Variants in MEI1 observed in about 807,000 individuals in gnomAD.
MEI1 encodes meiosis inhibitor protein 1.
A neutral mutation model predicts 146.2 loss-of-function variants in MEI1; 103 were observed. The ratio of observed to expected loss-of-function variants is 0.70; its 90% CI spans 0.60 to 0.83. The LOEUF (loss-of-function observed/expected upper bound fraction) is 0.83, where lower values mean the gene tolerates loss of function less well. MEI1 is among the 40% of genes least tolerant of loss of function. The probability of loss-of-function intolerance (pLI) is 0.00; values close to 1 mark genes in which losing one functional copy is unlikely to be tolerated. For synonymous variants in MEI1, 652 were observed against 628.2 expected, an observed-to-expected ratio of 1.04 and a Z score of -0.57; for missense variants, 1,529 against 1,533.0, an observed-to-expected ratio of 1.00 and a Z score of 0.04.
intron 11 of MEI1, 117 bp downstream of exon 11, chr22:41,732,720 G>A (rs539195029): frequency 5.2e-6 from 6 of 1,152,564 alleles, no homozygotes; most frequent in Admixed American, 5.9e-5. Context: ...AATATAGTTG[G>A]CCCTTCATAA....
chr22:41,707,028 CAAAA>C (rs59421678), intron 3 of MEI1, among the ~76,000 whole-genome samples: 1 of 130,892 alleles, frequency 7.6e-6, no homozygotes, highest in Non-Finnish European at 1.6e-5. Flanking sequence ...CCATCTCTAC[CAAAA>C]AAAAAAAAAA....
chr22:41,758,601 A>G (rs2074252862), intron 18 of MEI1, 68 bp downstream of exon 18: 1 of 1,488,184 alleles, frequency 6.7e-7, no homozygotes, highest in Non-Finnish European at 9.1e-7. Context: ...AGTTCAATAA[A>G]TAAGGGCATC....
In MEI1 at chr22:41,745,990, C is replaced by T; in HGVS notation, c.1644C>T (p.Leu548=). The T allele has an allele frequency of 6.2e-7, 1 of 1,611,430 alleles. No individual in the cohort carries two copies. The highest frequency in any genetic ancestry group is 8.5e-7 in the Non-Finnish European group (1 of 1,178,698). Reference sequence around the variant, plus strand: ...TGGAGGCCTTCTCAGAATTTCTTCTCAGTGCCTGTGACTCGCTGTGTATCC... The same window carrying T: ...TGGAGGCCTTCTCAGAATTTCTTCTTAGTGCCTGTGACTCGCTGTGTATCC... The part of the protein sequence containing the change: ...DTLEAFSEFL[L]SACDSLCIPM... The change falls in exon 14 of 31, where the codon CTC becomes CTT. Residue 548 remains leucine, a synonymous_variant. Coordinates refer to ENST00000401548, the MANE Select transcript of MEI1 (RefSeq NM_152513.4).
In MEI1 at chr22:41,798,824, G is replaced by A. The variant is rs190214330; in HGVS notation, c.3780-430G>A. ...TGGAGATTGCAGTGACCAGAGAGCC[G>A]AGATTGTGCCACTGCACACTCCAGC... On this transcript the variant is annotated intron_variant, in intron 30 of 30. Transcript: ENST00000401548. Among the ~76,000 whole-genome samples the A allele has an allele frequency of 1.8e-3, 265 of 150,576 alleles. 5 individuals carry two copies. The highest frequency in any genetic ancestry group is 0.012 in the Admixed American group (188 of 15,096).
chr22:41,726,796 T>C (rs951951957), intron 7 of MEI1, among the ~76,000 whole-genome samples: 1 of 151,530 alleles, frequency 6.6e-6, no homozygotes, highest in African/African-American at 2.4e-5. Context: ...TTTTTTGAGA[T>C]GGAGTCTCGC....
chr22:41,724,186 C>T (rs1181228863), intron 7 of MEI1, 113 bp downstream of exon 7: 2 of 1,330,744 alleles, frequency 1.5e-6, no homozygotes, highest in African/African-American at 1.5e-5. Flanking sequence ...TGTTTTCTTA[C>T]TGGGCAAAAT....
Position 41,776,144 on chromosome 22 carries a change from C to T in MEI1, c.2587C>T (p.Leu863=), listed in dbSNP as rs755224234. The change falls in exon 21 of 31, where the codon CTG becomes TTG. Residue 863 remains leucine (L), a synonymous_variant. Transcript: ENST00000401548. The part of the protein sequence containing the change: ...SSPVDTAHKV[L]ISLRTFLRRN... ...CCCAGTGGACACAGCTCACAAGGTACTGATTAGCCTGAGGACCTTCCTGAG... is the reference window on the plus strand; with the variant it reads ...CCCAGTGGACACAGCTCACAAGGTATTGATTAGCCTGAGGACCTTCCTGAG... 4 of 1,613,836 alleles carry T rather than the reference C, an allele frequency of 2.5e-6. No homozygotes were observed. The highest frequency in any genetic ancestry group is 2.2e-5 in the South Asian group (2 of 91,086).
At chr22:41,718,301 GGAGA>G (rs2070397787) in intron 6 of MEI1, 27 bp downstream of exon 6, 5 of 1,605,380 alleles carry the variant, frequency 3.1e-6, no homozygotes, top group Non-Finnish European at 4.3e-6. Flanking sequence ...GAGAAAAAAG[GGAGA>G]ATAAGTTTTT....
intron 15 of MEI1, among the ~76,000 whole-genome samples, chr22:41,751,230 A>G (rs1242231042): frequency 1.3e-5 from 2 of 152,134 alleles, no homozygotes; most frequent in Non-Finnish European, 2.9e-5. Flanking sequence ...GTCATGGGTT[A>G]AATTGTTGCC....
chr22:41,704,378 G>GTT (rs919310413), intron 2 of MEI1, among the ~76,000 whole-genome samples: 1 of 148,246 alleles, frequency 6.7e-6, no homozygotes, highest in Admixed American at 6.7e-5. Context: ...AGCACATGGG[G>GTT]TTTTTTTTTG....
chr22:41,765,883 CTTTTTTTTTTTTT>C (rs1013045266), intron 19 of MEI1, among the ~76,000 whole-genome samples: 1 of 86,134 alleles, frequency 1.2e-5, no homozygotes, highest in African/African-American at 4.7e-5. Flanking sequence ...CCAAAATGTT[CTTTTTTTTTTTTT>C]TTTTTTTTTT....
At position 41,795,323 on chromosome 22, in the gene MEI1, T is replaced by C. The variant is rs1353812371; in HGVS notation, c.3535-88T>C. The stretch of plus-strand genomic sequence containing the variant: ...GCAGGTTCTGTGGGCTTCAGGACAG[T>C]GTCTCCTAAAGTTGGGGCACAGCAG... On this transcript the variant is annotated intron_variant, in intron 28 of 30. Coordinates refer to ENST00000401548, the MANE Select transcript of MEI1 (RefSeq NM_152513.4). This position sits in a 1 kb window ranked among gnomAD's most constrained non-coding sequence, Gnocchi z 4.2. 7.1e-6 allele frequency: 11 copies of C among 1,542,172 alleles called. No individual in the cohort carries two copies. Among genetic ancestry groups the C allele is most frequent in the Admixed American group, 1.7e-5 (1 of 57,614 alleles).
intron 26 of MEI1, among the ~76,000 whole-genome samples, chr22:41,793,050 T>C (rs1335784357): frequency 1.4e-5 from 2 of 138,874 alleles, no homozygotes; most frequent in Admixed American, 7.4e-5. Context: ...TTTTTTTTTT[T>C]TTTTTTTTTT....
In MEI1 at chr22:41,758,540, G is replaced by A; in HGVS notation, c.2120+7G>A. The A allele has an allele frequency of 6.2e-7, 1 of 1,606,480 alleles. No individual in the cohort carries two copies. The highest frequency in any genetic ancestry group is 8.5e-7 in the Non-Finnish European group (1 of 1,174,482). On this transcript the variant is annotated splice_region_variant and intron_variant, in intron 18 of 30. Coordinates refer to ENST00000401548, the MANE Select transcript of MEI1 (RefSeq NM_152513.4). ...CCTACATCCATGAAGACAGGTCAGT[G>A]CACAGAGGTGGGTGGCTGGTGGTGG...
chr22:41,760,960 GT>G (rs112055698), intron 18 of MEI1, among the ~76,000 whole-genome samples: 29,610 of 151,902 alleles, frequency 0.19, 7,796 homozygotes, highest in African/African-American at 0.6. Context: ...TCACTTCTTT[GT>G]TTTTTTTCTT....
chr22:41,786,656 A>G (rs550547819), intron 26 of MEI1, among the ~76,000 whole-genome samples: 30 of 152,286 alleles, frequency 2.0e-4, no homozygotes, highest in African/African-American at 6.3e-4. Context: ...TGGCTGGGGC[A>G]TGGGATGCCC....
chr22:41,777,319 C>T (rs1389392258), intron 21 of MEI1, among the ~76,000 whole-genome samples: 4 of 151,640 alleles, frequency 2.6e-5, no homozygotes, highest in African/African-American at 7.3e-5. Flanking sequence ...CTGCACCTGG[C>T]TAATTTTTTG....
chr22:41,708,321 C>T (rs2147257126), intron 3 of MEI1, among the ~76,000 whole-genome samples: 1 of 151,906 alleles, frequency 6.6e-6, no homozygotes, highest in Middle Eastern at 3.5e-3. Flanking sequence ...TCTATGTATC[C>T]TTTGCCTTCA....
chr22:41,729,580 G>A (rs1380041639), intron 7 of MEI1, 85 bp from the exon 8 acceptor site: 2 of 772,440 alleles, frequency 2.6e-6, no homozygotes. Flanking sequence ...AAATGAATTA[G>A]GCTATTGCCC....
Sources: allele counts gnomAD v4.1 joint callset (sites outside exome capture counted in the v4.1 genomes callset), GRCh38; gene constraint gnomAD v4.1.1; non-coding constraint Gnocchi (gnomAD v3.1); transcripts MANE v1.5; gene names NCBI Gene and HGNC (gene_info 2026-07-23, HGNC 2026-07-21).